The following ERICH6 variants were observed in gnomAD, a reference collection of about 807,000 sequenced individuals.
ERICH6 encodes the protein glutamate rich 6, also known as glutamate-rich protein 6.
Under a neutral mutation model 71.0 loss-of-function variants are expected in ERICH6, and 71 were observed. The observed-to-expected ratio is 1.00, with a 90% confidence interval of 0.83 to 1.22. The LOEUF (loss-of-function observed/expected upper bound fraction) is 1.22. Among genes scored for constraint, ERICH6 ranks in the 50% most tolerant of loss-of-function variants. ERICH6 has a pLI of 0.00. For missense variants in ERICH6, 808 were observed against 797.2 expected, an observed-to-expected ratio of 1.01 and a Z score of -0.16; for synonymous variants, 262 against 278.4, an observed-to-expected ratio of 0.94 and a Z score of 0.59.
intron 5 of ERICH6, 30 bp from the exon 6 acceptor site, chr3:150,685,888 G>A (rs1559917575): frequency 1.2e-6 from 2 of 1,609,086 alleles, no homozygotes; most frequent in Non-Finnish European, 1.7e-6. Flanking sequence ...GGGGTGGTGA[G>A]GGGAAATAAT....
rs1195667751 is a variant in ERICH6, at chr3:150,666,819, G to A, written c.1696C>T (p.Gln566Ter). Residue 566 changes from glutamine to a stop codon, truncating the protein, a stop_gained, in exon 13 of 14, where the codon CAG becomes TAG. Transcript: ENST00000295910. LOFTEE classifies it low-confidence loss of function (END_TRUNC). Reference sequence around the variant, plus strand: ...TTGGTTCCAACACTGATTCTTGCCTGTTGGCCCATTGCTAGAAAAGTTATA... The same window carrying A: ...TTGGTTCCAACACTGATTCTTGCCTATTGGCCCATTGCTAGAAAAGTTATA... ...ISITFLAMGQ[Q>*]ARISVGTKVK... 9 of 1,613,998 alleles carry A rather than the reference G, an allele frequency of 5.6e-6. No individual in the cohort carries two copies. The highest frequency in any genetic ancestry group is 7.6e-6 in the Non-Finnish European group (9 of 1,180,026).
Position 150,702,153 on chromosome 3 carries a change from A to G in ERICH6, c.429T>C (p.Phe143=), listed in dbSNP as rs757923456. The G allele has an allele frequency of 6.3e-7, 1 of 1,580,110 alleles. No individual in the cohort carries two copies. The highest frequency in any genetic ancestry group is 8.6e-7 in the Non-Finnish European group (1 of 1,158,248). ...TACTCATTTCAGACATGTCTTTCCTAAATGTCTGAAATATTTTAGGGAAAC... is the reference window on the plus strand; with the variant it reads ...TACTCATTTCAGACATGTCTTTCCTGAATGTCTGAAATATTTTAGGGAAAC... ...HKSFPKIFQT[F]RKDMSEMSID... Residue 143 remains phenylalanine (F), a synonymous_variant, in exon 2 of 14, where the codon TTT becomes TTC. Transcript: ENST00000295910.
At position 150,703,822 on chromosome 3, in the gene ERICH6, T is replaced by TCCTCCTCCTCCTCCC. The variant is rs1713066808; in HGVS notation, c.76_77insGGGAGGAGGAGGAGG (p.Leu25_Glu26insGlyGluGluGluGlu). The TCCTCCTCCTCCTCCC allele has an allele frequency of 6.2e-7, 1 of 1,610,960 alleles. No individual in the cohort carries two copies. On this transcript the variant is annotated inframe_insertion, in exon 1 of 14. Transcript: ENST00000295910. ...CACCTCTTCCTCCTCCTCCTCCTCC[T>TCCTCCTCCTCCTCCC]CTAACTCCTCCTCTGACTCCTTCTG...
intron 6 of ERICH6, among the ~76,000 whole-genome samples, chr3:150,685,152 G>A (rs1161204955): frequency 6.6e-6 from 1 of 152,126 alleles, no homozygotes; most frequent in Non-Finnish European, 1.5e-5. Flanking sequence ...AGGCTTTGCG[G>A]CCACTCTTAC....
At chr3:150,663,090 G>C (rs112249433) in intron 13 of ERICH6, among the ~76,000 whole-genome samples, 1,867 of 152,262 alleles carry the variant, frequency 0.012, 22 homozygotes, top group Non-Finnish European at 0.021. Context: ...AGAAGTCCCC[G>C]GAGAGTTCTG....
chr3:150,677,595 A>C (rs535575648), intron 10 of ERICH6, among the ~76,000 whole-genome samples: 1 of 151,784 alleles, frequency 6.6e-6, no homozygotes. Context: ...CCCCAGGCTC[A>C]AGGGATCCTC....
rs1711497104 is a variant in ERICH6 at position 150,669,456 on chromosome 3, G to A, written c.1344-5C>T. ...GCTAGGTTTCCAGATGGATAGCTGA[G>A]ATCAGATAAGGTCATATAAATTGTT... On this transcript the variant is annotated splice_region_variant and splice_polypyrimidine_tract_variant and intron_variant, in intron 11 of 13. Coordinates refer to ENST00000295910, the MANE Select transcript of ERICH6 (RefSeq NM_152394.5). The A allele has an allele frequency of 3.1e-6, 5 of 1,612,714 alleles. No homozygotes were observed. The highest frequency in any genetic ancestry group is 1.7e-4 in the Middle Eastern group (1 of 6,060).
intron 13 of ERICH6, among the ~76,000 whole-genome samples, chr3:150,661,822 A>C (rs962240916): frequency 6.6e-6 from 1 of 152,100 alleles, no homozygotes; most frequent in African/African-American, 2.4e-5. Context: ...TTTCAGTTAC[A>C]GTGAGCTATG....
intron 10 of ERICH6, among the ~76,000 whole-genome samples, chr3:150,675,502 C>T (rs76420115): frequency 6.6e-6 from 1 of 152,116 alleles, no homozygotes; most frequent in Non-Finnish European, 1.5e-5. Flanking sequence ...GCATGTGCCA[C>T]CACGCCTGGC....
chr3:150,682,022 C>T (rs1159887709), intron 7 of ERICH6, among the ~76,000 whole-genome samples, 196 bp downstream of exon 7: 1 of 152,020 alleles, frequency 6.6e-6, no homozygotes, highest in Admixed American at 6.6e-5. Flanking sequence ...ACCGTGTTGC[C>T]CAGGCTGGTC....
intron 10 of ERICH6, among the ~76,000 whole-genome samples, chr3:150,675,505 C>T (rs1045723600): frequency 2.8e-4 from 43 of 152,194 alleles, no homozygotes; most frequent in African/African-American, 7.9e-4. Context: ...TGTGCCACCA[C>T]GCCTGGCTAA....
At chr3:150,696,037 T>C (rs186798977) in intron 3 of ERICH6, among the ~76,000 whole-genome samples, 27 of 152,062 alleles carry the variant, frequency 1.8e-4, no homozygotes, top group African/African-American at 5.3e-4. Context: ...TTATCATATA[T>C]TAAATATGTA....
rs1711496478 is a variant in ERICH6, at chr3:150,669,090, T to G, written c.1499+206A>C. 2.0e-5 allele frequency among the ~76,000 whole-genome samples: 3 copies of G among 152,210 alleles called. No individual in the cohort carries two copies. The South Asian group carries it at 6.2e-4, about 32-fold the overall frequency. ...ATGTATAGAAATAATATGATGAGCT[T>G]TATTTTTATAATTGCTTGGGATTTT... On this transcript the variant is annotated intron_variant, in intron 12 of 13. Coordinates refer to ENST00000295910, the MANE Select transcript of ERICH6 (RefSeq NM_152394.5).
intron 9 of ERICH6, among the ~76,000 whole-genome samples, chr3:150,679,260 A>C (rs112236968): frequency 3.0e-3 from 449 of 151,240 alleles, no homozygotes; most frequent in African/African-American, 9.8e-3. Context: ...GTTTTTGGGG[A>C]ACAGGTGGTG....
At chr3:150,702,270 CTTTTTTTTT>C (rs63679260) in intron 1 of ERICH6, 92 bp from the exon 2 acceptor site, 13 of 163,862 alleles carry the variant, frequency 7.9e-5, no homozygotes, top group East Asian at 2.0e-4. Context: ...TGTCTGGAGA[CTTTTTTTTT>C]TTTTTTTTTT....
rs115368766 is a variant in ERICH6, at chr3:150,671,454, T to G, written c.1344-2003A>C. The stretch of plus-strand genomic sequence containing the variant: ...AAAGTCCAAGTGATCAATAACTTGG[T>G]GTTCCATGAAATGGATATTTAATTT... On this transcript the variant is annotated intron_variant, in intron 11 of 13. Transcript: ENST00000295910. Among the ~76,000 whole-genome samples the G allele has an allele frequency of 2.1e-3, 327 of 152,316 alleles. 4 individuals carry two copies. Among genetic ancestry groups the G allele is most frequent in the African/African-American group, 7.3e-3 (303 of 41,566 alleles).
At position 150,689,142 on chromosome 3, in the gene ERICH6, C is replaced by A. The variant is rs1249479037; in HGVS notation, c.554-2788G>T. Among the ~76,000 whole-genome samples, 4 of 152,160 alleles carry A rather than the reference C, an allele frequency of 2.6e-5. No individual in the cohort carries two copies. The East Asian group carries it at 7.7e-4, about 29-fold the overall frequency. On this transcript the variant is annotated intron_variant, in intron 3 of 13. Transcript: ENST00000295910. ...TTGGAAGCACCCCCTCCAGAGAATC[C>A]CTGATCTCCTCAAATTTGGTCACGA... is the stretch of plus-strand genomic sequence containing the variant.
chr3:150,700,566 GTTTAT>G (rs1349984631), intron 2 of ERICH6, among the ~76,000 whole-genome samples: 4 of 151,596 alleles, frequency 2.6e-5, no homozygotes, highest in African/African-American at 9.7e-5. Flanking sequence ...GAGTCAAAAA[GTTTAT>G]TTTATTATTA....
chr3:150,666,972 C>T lies in ERICH6; in HGVS notation c.1543G>A (p.Gly515Ser), dbSNP rs1268848623. Residue 515 changes from glycine to serine, a missense_variant, in exon 13 of 14, where the codon GGC becomes AGC. By Grantham distance (56) the Gly-to-Ser change is moderately conservative. Around this residue, in one of 3 missense-constraint regions of ERICH6, gnomAD observed 736 missense variants for 712.2 expected, o/e 1.03. Coordinates refer to ENST00000295910, the MANE Select transcript of ERICH6 (RefSeq NM_152394.5). ...ILGGQYSDQAGNRIRAWNWSN... is the reference protein window; with the variant it reads ...ILGGQYSDQASNRIRAWNWSN... ...CAATTCCAAGCCCTTATTCTGTTGC[C>T]GGCTTGATCTGAATATTGACCTCCC... The T allele has an allele frequency of 2.5e-6, 4 of 1,614,070 alleles. No individual in the cohort carries two copies. The Admixed American group carries it at 5.0e-5, about 20-fold the overall frequency.
Sources: allele counts gnomAD v4.1 joint callset (sites outside exome capture counted in the v4.1 genomes callset), GRCh38; gene constraint gnomAD v4.1.1; regional missense constraint gnomAD v4.1.1; transcripts MANE v1.5; gene names NCBI Gene and HGNC (gene_info 2026-07-23, HGNC 2026-07-21).